SUGCT: variants seen among roughly 807,000 people sequenced by gnomAD.
The protein encoded by SUGCT is succinyl-CoA:glutarate-CoA transferase.
Under a neutral mutation model 55.0 loss-of-function variants are expected in SUGCT, and 41 were observed. The ratio of observed to expected loss-of-function variants is 0.74; its 90% CI spans 0.58 to 0.97. SUGCT has a LOEUF of 0.97. Ranked by LOEUF, SUGCT falls within the 50% of genes least tolerant of loss-of-function variation. SUGCT has a pLI of 0.00. For missense variants in SUGCT, 568 were observed against 547.8 expected, an observed-to-expected ratio of 1.04 and a Z score of -0.37; for synonymous variants, 187 against 200.4, an observed-to-expected ratio of 0.93 and a Z score of 0.56.
At chr7:40,181,165 G>C (rs1245014005) in intron 2 of SUGCT, among the ~76,000 whole-genome samples, 167 bp downstream of exon 2, 1 of 152,046 alleles carries the variant, frequency 6.6e-6, no homozygotes, top group African/African-American at 2.4e-5. Context: ...GAGACAATTA[G>C]TGTAGTATTT....
chr7:40,729,015 G>T (rs533135170), intron 12 of SUGCT, among the ~76,000 whole-genome samples: 1 of 152,132 alleles, frequency 6.6e-6, no homozygotes, highest in Non-Finnish European at 1.5e-5. Flanking sequence ...AAGTAGCTGG[G>T]CTAGAATTTT....
At chr7:40,390,721 C>T (rs1238836328) in intron 9 of SUGCT, among the ~76,000 whole-genome samples, 4 of 152,092 alleles carry the variant, frequency 2.6e-5, no homozygotes, top group South Asian at 2.1e-4. Flanking sequence ...AGGTAATTTA[C>T]AGATTCAATG....
chr7:40,617,990 AT>A (rs1379285146), intron 12 of SUGCT, among the ~76,000 whole-genome samples: 2 of 152,176 alleles, frequency 1.3e-5, no homozygotes, highest in Non-Finnish European at 2.9e-5. Flanking sequence ...TTGCTTAGTC[AT>A]TATGTATATC....
intron 9 of SUGCT, among the ~76,000 whole-genome samples, chr7:40,322,223 T>TCTC (rs1795794152): frequency 6.6e-6 from 1 of 152,160 alleles, no homozygotes; most frequent in African/African-American, 2.4e-5. Context: ...AGCATAAGAA[T>TCTC]CTCCCCATCT....
At chr7:40,691,647 C>T (rs1784704582) in intron 12 of SUGCT, among the ~76,000 whole-genome samples, 1 of 152,198 alleles carries the variant, frequency 6.6e-6, no homozygotes, top group Non-Finnish European at 1.5e-5. Context: ...TCTTTATCTT[C>T]ATACTAGAAA....
intron 12 of SUGCT, among the ~76,000 whole-genome samples, chr7:40,687,050 T>G (rs762026032): frequency 1.3e-5 from 2 of 152,194 alleles, no homozygotes; most frequent in Non-Finnish European, 2.9e-5. Context: ...TTTCATTTTT[T>G]TCCCATCTTC....
intron 9 of SUGCT, among the ~76,000 whole-genome samples, chr7:40,439,066 A>ATGTG: frequency 4.8e-5 from 1 of 20,924 alleles, no homozygotes; most frequent in African/African-American, 1.8e-4. Flanking sequence ...TATATGGTGT[A>ATGTG]TATATATATA....
At chr7:40,375,813 G>A (rs1255179849) in intron 9 of SUGCT, among the ~76,000 whole-genome samples, 1 of 152,158 alleles carries the variant, frequency 6.6e-6, no homozygotes, top group South Asian at 2.1e-4. Context: ...TACCCTCAGG[G>A]AATGTGCATT....
intron 13 of SUGCT, among the ~76,000 whole-genome samples, chr7:40,854,449 T>TTTCTTTCTTTCTTTC: frequency 1.4e-5 from 2 of 147,132 alleles, no homozygotes; most frequent in Middle Eastern, 3.5e-3. Context: ...TCTTTCTTTC[T>TTTCTTTCTTTCTTTC]TTCTTTCTTT....
chr7:40,259,115 A>T lies in SUGCT; in HGVS notation c.577-15398A>T, dbSNP rs952534622. On this transcript the variant is annotated intron_variant, in intron 7 of 13. Transcript: ENST00000335693. ...TTATATATGGAATCCGAAAATGTCTAACTCATAGATGTAGAGAGTAGAATG... is the reference window on the plus strand; with the variant it reads ...TTATATATGGAATCCGAAAATGTCTTACTCATAGATGTAGAGAGTAGAATG... Among the ~76,000 whole-genome samples the T allele has an allele frequency of 2.0e-5, 3 of 152,298 alleles. No homozygotes were observed. The South Asian group carries it at 6.2e-4, about 32-fold the overall frequency.
chr7:40,767,021 A>G (rs1412179936), intron 13 of SUGCT, among the ~76,000 whole-genome samples: 2 of 152,240 alleles, frequency 1.3e-5, no homozygotes, highest in Non-Finnish European at 2.9e-5. Flanking sequence ...CAATATCTCC[A>G]CATCTAACCT....
the SUGCT span, among the ~76,000 whole-genome samples, chr7:40,929,469 T>A: frequency 6.6e-6 from 1 of 152,224 alleles, no homozygotes; most frequent in Non-Finnish European, 1.5e-5. Flanking sequence ...AAATGGTATT[T>A]CTAGTTCTAG....
chr7:40,657,648 C>A (rs1293451105), intron 12 of SUGCT, among the ~76,000 whole-genome samples: 2 of 152,066 alleles, frequency 1.3e-5, no homozygotes, highest in Non-Finnish European at 1.5e-5. Context: ...GATTCTCCTG[C>A]CTCAGCCTCC....
intron 13 of SUGCT, among the ~76,000 whole-genome samples, chr7:40,796,137 CA>C (rs953171891): frequency 1.3e-5 from 2 of 151,604 alleles, no homozygotes; most frequent in African/African-American, 4.8e-5. Context: ...AAATACCTTT[CA>C]GGAAAAAAAA....
the SUGCT span, among the ~76,000 whole-genome samples, chr7:40,949,031 C>T: frequency 6.6e-6 from 1 of 152,222 alleles, no homozygotes. Context: ...AAATGCCACA[C>T]TGTCTTCCAC....
chr7:40,448,961 T>TATAG (rs1317265694), intron 9 of SUGCT, among the ~76,000 whole-genome samples: 2,190 of 144,004 alleles, frequency 0.015, 23 homozygotes, highest in African/African-American at 0.035. Flanking sequence ...TATATATATA[T>TATAG]AGAGAGAGAG....
the SUGCT span, among the ~76,000 whole-genome samples, chr7:40,963,711 A>G: frequency 6.6e-6 from 1 of 151,174 alleles, no homozygotes; most frequent in Non-Finnish European, 1.5e-5. Flanking sequence ...TTCTGCTTAT[A>G]TACAGTCATC....
intron 12 of SUGCT, among the ~76,000 whole-genome samples, chr7:40,582,361 A>G (rs1797147757): frequency 6.6e-6 from 1 of 152,212 alleles, no homozygotes; most frequent in South Asian, 2.1e-4. Flanking sequence ...GTGTCTCTCA[A>G]CAATGAGATA....
intron 13 of SUGCT, among the ~76,000 whole-genome samples, chr7:40,781,828 A>G (rs1015391380): frequency 2.0e-5 from 3 of 152,104 alleles, no homozygotes; most frequent in Non-Finnish European, 4.4e-5. Context: ...CCCTGTTTTC[A>G]TCTTCTTTCC....
Sources: gnomAD v4.1 joint callset for allele counts (sites outside exome capture counted in the v4.1 genomes callset) on GRCh38, gnomAD v4.1.1 for gene constraint, MANE v1.5 for transcripts, NCBI Gene and HGNC (gene_info 2026-07-23, HGNC 2026-07-21) for gene names.